The following MICU2 variants were observed in gnomAD, a reference collection of about 807,000 sequenced individuals.
MICU2 encodes the protein calcium uptake protein 2, mitochondrial.
MICU2 carries 64 observed loss-of-function variants against 60.4 expected under a neutral mutation model. The observed-to-expected ratio is 1.06, with a 90% CI of 0.87 to 1.31. MICU2 has a LOEUF of 1.31. MICU2 is among the 50% of genes most tolerant of loss of function. The pLI, the probability that MICU2 is intolerant of heterozygous loss-of-function variation, is 0.00. For synonymous variants in MICU2, 201 were observed against 175.0 expected, an observed-to-expected ratio of 1.15 and a Z score of -1.17; for missense variants, 569 against 531.0, an observed-to-expected ratio of 1.07 and a Z score of -0.70.
In MICU2 at chr13:21,548,242, G is replaced by C. The variant is rs192487438; in HGVS notation, c.359-8554C>G. ...ATGCATGGTCTCAACTTTGTAAAAAGAAATGTGTTAATGTTGGTTGTTTCT... is the reference window on the plus strand; with the variant it reads ...ATGCATGGTCTCAACTTTGTAAAAACAAATGTGTTAATGTTGGTTGTTTCT... On this transcript the variant is annotated intron_variant, in intron 2 of 11. Coordinates refer to ENST00000382374, the MANE Select transcript of MICU2 (RefSeq NM_152726.3). Among the ~76,000 whole-genome samples, 4 of 152,288 alleles carry C rather than the reference G, an allele frequency of 2.6e-5. No homozygotes were observed. In the East Asian group the frequency reaches 7.7e-4, roughly 29 times the overall value.
At chr13:21,517,797 A>G (rs770381980) in intron 6 of MICU2, among the ~76,000 whole-genome samples, 8,982 of 89,344 alleles carry the variant, frequency 0.1, 281 homozygotes, top group African/African-American at 0.13. Context: ...ACACACACAC[A>G]CACGCGCGCG....
chr13:21,502,751 C>G, intron 9 of MICU2, 175 bp downstream of exon 9: 1 of 404,394 alleles, frequency 2.5e-6, no homozygotes, highest in Non-Finnish European at 3.9e-6. Context: ...TACACTGATT[C>G]TGTCTTAGGC....
At chr13:21,507,581 G>GA (rs1273712393) in intron 8 of MICU2, among the ~76,000 whole-genome samples, 1 of 151,370 alleles carries the variant, frequency 6.6e-6, no homozygotes, top group African/African-American at 2.4e-5. Context: ...AGTGGGGTTA[G>GA]AAAAAATCTA....
chr13:21,531,701 G>A (rs1777371468), intron 4 of MICU2, among the ~76,000 whole-genome samples: 1 of 152,180 alleles, frequency 6.6e-6, no homozygotes, highest in Non-Finnish European at 1.5e-5. Flanking sequence ...GCTGAAGTTT[G>A]GTTCAGTAAG....
intron 4 of MICU2, among the ~76,000 whole-genome samples, chr13:21,537,381 T>A (rs576856085): frequency 3.3e-5 from 5 of 152,152 alleles, no homozygotes; most frequent in Non-Finnish European, 7.4e-5. Context: ...GTTTCTCTCA[T>A]CAGTTCTTTT....
At chr13:21,537,525 A>G (rs946269416) in intron 4 of MICU2, among the ~76,000 whole-genome samples, 28 of 149,362 alleles carry the variant, frequency 1.9e-4, no homozygotes, top group Middle Eastern at 3.2e-3. Context: ...GCTGGAGTGT[A>G]ATGGCATGAT....
intron 8 of MICU2, among the ~76,000 whole-genome samples, chr13:21,507,408 A>G (rs888677609): frequency 6.6e-6 from 1 of 152,124 alleles, no homozygotes; most frequent in African/African-American, 2.4e-5. Context: ...GTATTATGAT[A>G]ATAGCTTTCC....
At chr13:21,560,520 T>A (rs1443943290) in intron 2 of MICU2, among the ~76,000 whole-genome samples, 1 of 152,220 alleles carries the variant, frequency 6.6e-6, no homozygotes, top group Non-Finnish European at 1.5e-5. Context: ...AAGCTCATTA[T>A]TTGATAGAGT....
intron 2 of MICU2, among the ~76,000 whole-genome samples, chr13:21,546,689 T>C (rs936641445): frequency 6.6e-6 from 1 of 152,176 alleles, no homozygotes; most frequent in Non-Finnish European, 1.5e-5. Flanking sequence ...TCTAATGATT[T>C]CCATTTTCTC....
intron 6 of MICU2, among the ~76,000 whole-genome samples, chr13:21,514,988 A>G (rs140250116): frequency 5.3e-4 from 80 of 152,142 alleles, no homozygotes; most frequent in African/African-American, 1.8e-3. Context: ...CTTAGGCAGC[A>G]CTCTATAAGA....
At chr13:21,526,037 C>T (rs1011178476) in intron 4 of MICU2, among the ~76,000 whole-genome samples, 6 of 151,492 alleles carry the variant, frequency 4.0e-5, no homozygotes, top group East Asian at 3.9e-4. Flanking sequence ...CAGGTTCAAG[C>T]GATCCTCCCC....
At position 21,522,630 on chromosome 13, in the gene MICU2, A is replaced by G; in HGVS notation, c.487T>C (p.Tyr163His). The G allele has an allele frequency of 6.2e-7, 1 of 1,605,734 alleles. No individual in the cohort carries two copies. Among genetic ancestry groups the G allele is most frequent in the Non-Finnish European group, 8.5e-7 (1 of 1,175,888 alleles). The change falls in exon 5 of 12, where the codon TAT becomes CAT. Residue 163 changes from tyrosine to histidine, a missense_variant. By Grantham distance (83) the Tyr-to-His change is moderately conservative. Transcript: ENST00000382374. ...GTGAGGATTGTAAGCAAGAAAAGAT[A>G]CTCGGTATATGAAATTAGCCCTGAA... is the stretch of plus-strand genomic sequence containing the variant. Reference protein sequence around the residue: ...GDKGLISYTEYLFLLTILTKP... With the variant: ...GDKGLISYTEHLFLLTILTKP...
chr13:21,589,080 G>A (rs1268761338), intron 1 of MICU2, among the ~76,000 whole-genome samples: 2 of 152,168 alleles, frequency 1.3e-5, no homozygotes, highest in East Asian at 3.8e-4. Flanking sequence ...AAGAGTAGGA[G>A]TTTGCATCAT....
intron 2 of MICU2, among the ~76,000 whole-genome samples, chr13:21,563,813 A>ATTTTTT (rs35279335): frequency 7.0e-6 from 1 of 143,542 alleles, no homozygotes; most frequent in Non-Finnish European, 1.5e-5. Flanking sequence ...CAACAAACAC[A>ATTTTTT]TTTTTTTTTT....
intron 4 of MICU2, among the ~76,000 whole-genome samples, chr13:21,523,459 G>A (rs541930425): frequency 1.3e-5 from 2 of 152,214 alleles, no homozygotes; most frequent in Non-Finnish European, 2.9e-5. Flanking sequence ...AGAATAACAA[G>A]AGACTTGGGA....
intron 2 of MICU2, among the ~76,000 whole-genome samples, chr13:21,553,686 C>G (rs886248532): frequency 6.6e-6 from 1 of 152,064 alleles, no homozygotes; most frequent in Non-Finnish European, 1.5e-5. Flanking sequence ...CATAACAATA[C>G]TAACCTTAAA....
At position 21,522,531 on chromosome 13, in the gene MICU2, A is replaced by G. The variant is rs538331463; in HGVS notation, c.514+72T>C. ...TTTAATGATAAAGACATAAATGCCAAACTTTTAAAATCCTGTTTGGTAAGA... is the reference window on the plus strand; with the variant it reads ...TTTAATGATAAAGACATAAATGCCAGACTTTTAAAATCCTGTTTGGTAAGA... On this transcript the variant is annotated intron_variant, in intron 5 of 11. Transcript: ENST00000382374. 42 of 1,262,140 alleles carry G rather than the reference A, an allele frequency of 3.3e-5. No homozygotes were observed. The African/African-American group carries it at 5.3e-4, about 16-fold the overall frequency. 78.2% of individuals were successfully genotyped at this position (1,262,140 alleles called of 1,614,324 possible). A position where few individuals can be genotyped will look rare whatever the true frequency, so the allele number is the denominator to read the frequency against.
In MICU2 at chr13:21,539,346, GTT is replaced by G; in HGVS notation, c.420_421del (p.Gln140HisfsTer15). On this transcript the variant is annotated frameshift_variant, in exon 4 of 12. Transcript: ENST00000382374. LOFTEE classifies it high-confidence loss of function. ...GAAAAAAGTTGATCCACAGCCAGCT[GTT>G]TGGATCCCTGACAGTGTATCCTCGA... The G allele has an allele frequency of 9.9e-6, 16 of 1,613,914 alleles. No homozygotes were observed. Among genetic ancestry groups the G allele is most frequent in the Non-Finnish European group, 1.2e-5 (14 of 1,179,984 alleles).
At chr13:21,583,703 C>T (rs1047022221) in intron 1 of MICU2, among the ~76,000 whole-genome samples, 2 of 152,208 alleles carry the variant, frequency 1.3e-5, no homozygotes, top group African/African-American at 2.4e-5. Flanking sequence ...AGAGCAGTTC[C>T]CTGACCTGAA....
Sources: allele counts gnomAD v4.1 joint callset (sites outside exome capture counted in the v4.1 genomes callset), GRCh38; gene constraint gnomAD v4.1.1; transcripts MANE v1.5; gene names NCBI Gene and HGNC (gene_info 2026-07-23, HGNC 2026-07-21).